The following ACVR2A variants were observed in gnomAD, a reference collection of about 807,000 sequenced individuals.
ACVR2A encodes activin receptor type-2A.
Under a neutral mutation model 61.4 loss-of-function variants are expected in ACVR2A, and 7 were observed. That is an observed-to-expected ratio of 0.11 (90% CI 0.06 to 0.21). The LOEUF (loss-of-function observed/expected upper bound fraction) is 0.21. Among genes scored for constraint, ACVR2A ranks in the 10% least tolerant of loss-of-function variants. ACVR2A has a pLI of 1.00. For synonymous variants in ACVR2A, 193 were observed against 208.3 expected, an observed-to-expected ratio of 0.93 and a Z score of 0.63; for missense variants, 322 against 621.7, an observed-to-expected ratio of 0.52 and a Z score of 5.13.
At chr2:147,862,572 C>G (rs765248144) in intron 1 of ACVR2A, among the ~76,000 whole-genome samples, 1 of 151,972 alleles carries the variant, frequency 6.6e-6, no homozygotes, top group Non-Finnish European at 1.5e-5. Context: ...GGTGCAACCC[C>G]GTCTTTACTA....
intron 5 of ACVR2A, 32 bp downstream of exon 5, chr2:147,915,366 A>C (rs1368281449): frequency 6.2e-7 from 1 of 1,609,000 alleles, no homozygotes. Flanking sequence ...CATCTTACAT[A>C]CATGTTTTAT....
chr2:147,918,092 T>C (rs1333167499), intron 6 of ACVR2A, among the ~76,000 whole-genome samples: 1 of 151,616 alleles, frequency 6.6e-6, no homozygotes, highest in East Asian at 1.9e-4. Flanking sequence ...GCTAGTCCCA[T>C]GATATAACAA....
chr2:147,872,936 A>G (rs573666760), intron 1 of ACVR2A, among the ~76,000 whole-genome samples: 1 of 152,038 alleles, frequency 6.6e-6, no homozygotes, highest in East Asian at 1.9e-4. Flanking sequence ...GGTAGGCAAG[A>G]AGGTGGTTTA....
intron 1 of ACVR2A, among the ~76,000 whole-genome samples, chr2:147,881,643 ATG>A (rs1206662968): frequency 3.0e-4 from 7 of 23,470 alleles, no homozygotes; most frequent in Admixed American, 6.7e-4. Context: ...GTGTGTGTGT[ATG>A]TGTGTGTGTG....
At chr2:147,890,341 A>AGTGTGTGT (rs60514095) in intron 1 of ACVR2A, among the ~76,000 whole-genome samples, 42,933 of 148,690 alleles carry the variant, frequency 0.29, 6,582 homozygotes, top group South Asian at 0.39. Context: ...CCATTAGTAT[A>AGTGTGTGT]GTGTGTGTGT....
At chr2:147,918,312 C>T in intron 6 of ACVR2A, 135 bp from the exon 7 acceptor site, 1 of 687,722 alleles carries the variant, frequency 1.5e-6, no homozygotes, top group South Asian at 3.3e-5. Context: ...TGAACCATTC[C>T]AGAAAGATTG....
At chr2:147,895,754 A>C (rs1207555964) in intron 1 of ACVR2A, among the ~76,000 whole-genome samples, 2 of 152,178 alleles carry the variant, frequency 1.3e-5, no homozygotes, top group Non-Finnish European at 2.9e-5. Flanking sequence ...TAGTGTAAGA[A>C]TTTAGTATAT....
chr2:147,903,133 G>A (rs1686909786), intron 4 of ACVR2A, among the ~76,000 whole-genome samples: 1 of 151,828 alleles, frequency 6.6e-6, no homozygotes, highest in Admixed American at 6.6e-5. Flanking sequence ...AAGTGATGTA[G>A]GGGTATAAGT....
In ACVR2A at chr2:147,930,588, C is replaced by T. The variant is rs1005873677; in HGVS notation, c.*3314C>T. 6.6e-6 allele frequency: 1 copy of T among 152,334 alleles called. No individual in the cohort carries two copies. The highest frequency in any genetic ancestry group is 1.5e-5 in the Non-Finnish European group (1 of 67,962). 9.4% of individuals were successfully genotyped at this position (152,334 alleles called of 1,614,324 possible). A position where few individuals can be genotyped will look rare whatever the true frequency, so the allele number is the denominator to read the frequency against. ...GTCTCAACCCATATCCCATTTGTTA[C>T]CTCTCAGAATATTGGTAAGCAGTTA... On this transcript the variant is annotated 3_prime_UTR_variant, in exon 11 of 11. Transcript: ENST00000241416.
intron 5 of ACVR2A, among the ~76,000 whole-genome samples, chr2:147,915,555 C>T (rs771002747): frequency 1.2e-4 from 18 of 151,920 alleles, no homozygotes; most frequent in South Asian, 6.2e-4. Flanking sequence ...TAAATGAATG[C>T]ATAGTAGATC....
intron 1 of ACVR2A, among the ~76,000 whole-genome samples, chr2:147,870,040 G>GTA (rs1407234986): frequency 6.6e-6 from 1 of 150,588 alleles, no homozygotes; most frequent in Non-Finnish European, 1.5e-5. Flanking sequence ...GTATGAAGGG[G>GTA]TATAGGTGGG....
chr2:147,899,946 G>A, intron 4 of ACVR2A, 48 bp downstream of exon 4: 2 of 1,566,786 alleles, frequency 1.3e-6, no homozygotes, highest in East Asian at 2.3e-5. Flanking sequence ...GTATATTTTT[G>A]AGAAATATTA....
rs116762032 is a variant in ACVR2A, at chr2:147,912,271, T to C, written c.529-2920T>C. ...GTGTTCTGAAGCTGATGTCTTCTGA[T>C]ACCATAATTTTTACATATAAATGAG... On this transcript the variant is annotated intron_variant, in intron 4 of 10. Coordinates refer to ENST00000241416, the MANE Select transcript of ACVR2A (RefSeq NM_001616.5). 6.3e-3 allele frequency among the ~76,000 whole-genome samples: 955 copies of C among 152,124 alleles called. 4 individuals carry two copies. Among genetic ancestry groups the C allele is most frequent in the South Asian group, 0.027 (132 of 4,830 alleles).
chr2:147,896,949 T>TC (rs1434025100), intron 2 of ACVR2A: 2 of 143,070 alleles, frequency 1.4e-5, no homozygotes, highest in Non-Finnish European at 3.0e-5. Flanking sequence ...CTTACTACAT[T>TC]CCCCCCTCCC....
At chr2:147,857,801 C>G (rs1265815924) in intron 1 of ACVR2A, among the ~76,000 whole-genome samples, 1 of 151,910 alleles carries the variant, frequency 6.6e-6, no homozygotes, top group African/African-American at 2.4e-5. Flanking sequence ...CCCAAGCATA[C>G]TCACATAAAC....
chr2:147,883,106 A>ACTGCCT (rs564293849), intron 1 of ACVR2A, among the ~76,000 whole-genome samples: 40 of 152,348 alleles, frequency 2.6e-4, no homozygotes, highest in Non-Finnish European at 5.4e-4. Context: ...AGGAAAGGTG[A>ACTGCCT]CTGCCTCTAG....
chr2:147,874,651 A>C (rs1475393223), intron 1 of ACVR2A, among the ~76,000 whole-genome samples: 7 of 151,966 alleles, frequency 4.6e-5, no homozygotes, highest in African/African-American at 1.7e-4. Context: ...CAACACTCAA[A>C]TATAGCTGTT....
intron 1 of ACVR2A, among the ~76,000 whole-genome samples, chr2:147,859,224 G>A (rs1685663487): frequency 2.0e-5 from 3 of 152,028 alleles, no homozygotes; most frequent in Admixed American, 2.0e-4. Flanking sequence ...ACCAGAAGCA[G>A]CACATATTCT....
intron 1 of ACVR2A, among the ~76,000 whole-genome samples, chr2:147,870,481 T>A (rs17742246): frequency 9.9e-5 from 15 of 152,224 alleles, no homozygotes; most frequent in East Asian, 3.9e-4. Flanking sequence ...AGATGTCACA[T>A]TTCGTACAAT....
Sources: allele counts gnomAD v4.1 joint callset (sites outside exome capture counted in the v4.1 genomes callset), GRCh38; gene constraint gnomAD v4.1.1; transcripts MANE v1.5; gene names NCBI Gene and HGNC (gene_info 2026-07-23, HGNC 2026-07-21).